Variants in ARHGAP6 observed in about 807,000 individuals in gnomAD.
The protein encoded by ARHGAP6 is Rho GTPase activating protein 6.
A neutral mutation model predicts 55.7 loss-of-function variants in ARHGAP6; 16 were observed. That is an observed-to-expected ratio of 0.29 (90% CI 0.19 to 0.44). The LOEUF (loss-of-function observed/expected upper bound fraction) is 0.44, where lower values mean the gene tolerates loss of function less well. ARHGAP6 is among the 20% of genes least tolerant of loss of function. ARHGAP6 has a pLI of 1.00. For synonymous variants in ARHGAP6, 382 were observed against 360.9 expected (o/e 1.06, Z -0.66); for missense variants, 698 against 808.9 (o/e 0.86, Z 1.66).
At chrX:11,427,484 C>A in intron 1 of ARHGAP6, 1 of 926,814 alleles carries the variant, frequency 1.1e-6, no homozygotes, top group East Asian at 1.0e-4. Flanking sequence ...TCGCCCCTCG[C>A]AGTCCCCACC....
At chrX:11,467,822 A>ATT (rs1363211105) in intron 1 of ARHGAP6, among the ~76,000 whole-genome samples, 99 of 110,156 alleles carry the variant, frequency 9.0e-4, no homozygotes, top group Middle Eastern at 4.6e-3. Context: ...TCTACTAAAA[A>ATT]TACAAAAATT....
intron 1 of ARHGAP6, among the ~76,000 whole-genome samples, chrX:11,397,634 T>G (rs1200279871): frequency 8.9e-6 from 1 of 112,015 alleles, no homozygotes; most frequent in Non-Finnish European, 1.9e-5. Flanking sequence ...TTCCTAGAAC[T>G]TTGGGAGGCC....
chrX:11,317,627 A>G (rs1162542502), intron 1 of ARHGAP6, among the ~76,000 whole-genome samples: 1 of 111,914 alleles, frequency 8.9e-6, no homozygotes, highest in African/African-American at 3.2e-5. Flanking sequence ...TTATAAGCCA[A>G]GGGCATCAAA....
chrX:11,531,807 G>A (rs183412303), intron 1 of ARHGAP6, among the ~76,000 whole-genome samples: 5 of 112,014 alleles, frequency 4.5e-5, no homozygotes, highest in Non-Finnish European at 9.4e-5. Flanking sequence ...CAAAACTATC[G>A]GTGATTACAG....
chrX:11,152,342 A>T (rs926205614), intron 10 of ARHGAP6, among the ~76,000 whole-genome samples: 1 of 112,147 alleles, frequency 8.9e-6, no homozygotes, highest in African/African-American at 3.2e-5. Flanking sequence ...TGGATAATTG[A>T]CTTGCCAATG....
intron 1 of ARHGAP6, among the ~76,000 whole-genome samples, chrX:11,504,003 A>G (rs1015628451): frequency 9.0e-6 from 1 of 111,599 alleles, no homozygotes; most frequent in East Asian, 2.8e-4. Context: ...TTTAAAATCA[A>G]TGGCAGGAAA....
At chrX:11,289,035 T>C (rs1167344427) in intron 1 of ARHGAP6, among the ~76,000 whole-genome samples, 1 of 112,430 alleles carries the variant, frequency 8.9e-6, no homozygotes, top group Non-Finnish European at 1.9e-5. Flanking sequence ...CAGTTAATTA[T>C]AATCCAAACA....
chrX:11,226,666 A>T (rs1288190213), intron 2 of ARHGAP6, among the ~76,000 whole-genome samples: 2 of 112,122 alleles, frequency 1.8e-5, no homozygotes, highest in Non-Finnish European at 1.9e-5. Context: ...ACAGATCTTT[A>T]GTGGAATGCA....
chrX:11,467,988 GAATGAATAAATA>G (rs1399464080), intron 1 of ARHGAP6, among the ~76,000 whole-genome samples: 1,509 of 82,732 alleles, frequency 0.018, 19 homozygotes, highest in Middle Eastern at 0.034. Context: ...TTAAATGAAT[GAATGAATAAATA>G]AATAAATAAA....
chrX:11,401,156 G>T (rs1259944332), intron 1 of ARHGAP6, among the ~76,000 whole-genome samples: 1 of 111,532 alleles, frequency 9.0e-6, no homozygotes, highest in African/African-American at 3.3e-5. Flanking sequence ...GACAAAAGAG[G>T]AAAAGCACGG....
chrX:11,393,360 G>A (rs2049434475), intron 1 of ARHGAP6, among the ~76,000 whole-genome samples: 1 of 111,067 alleles, frequency 9.0e-6, no homozygotes, highest in African/African-American at 3.3e-5. Flanking sequence ...AAGTAATAAT[G>A]ATAATAATAA....
At chrX:11,446,895 G>A (rs2050097972) in intron 1 of ARHGAP6, among the ~76,000 whole-genome samples, 1 of 110,689 alleles carries the variant, frequency 9.0e-6, no homozygotes, top group African/African-American at 3.3e-5. Flanking sequence ...ATTTTTTTTG[G>A]CCAGGCCATA....
At chrX:11,354,981 A>G (rs1265827330) in intron 1 of ARHGAP6, among the ~76,000 whole-genome samples, 2 of 112,137 alleles carry the variant, frequency 1.8e-5, no homozygotes, top group East Asian at 5.5e-4. Flanking sequence ...TTAAAAGGTT[A>G]GGATGATACT....
Position 11,664,568 on chromosome X carries a change from G to A in ARHGAP6, c.261C>T (p.Pro87=). Residue 87 remains proline, a synonymous_variant, in exon 1 of 13, where the codon CCC becomes CCT. Transcript: ENST00000337414. ...GAGGCGGTAGCCTGGTGGCCCTGGG[G>A]GGCGGACCCCGGGAAGAGGACGCCA... The part of the protein sequence containing the change: ...PRLASSSRGP[P]PRATRLPPPG... 1 of 1,188,795 alleles carries A rather than the reference G, an allele frequency of 8.4e-7. No individual in the cohort carries two copies. The highest frequency in any genetic ancestry group is 3.1e-5 in the East Asian group (1 of 32,622).
chrX:11,584,052 A>G (rs141677897), intron 1 of ARHGAP6, among the ~76,000 whole-genome samples: 1,500 of 112,155 alleles, frequency 0.013, 24 homozygotes, highest in African/African-American at 0.045. Flanking sequence ...ATAAACAAAT[A>G]AATGACTTTC....
chrX:11,214,746 C>T (rs2046854462), intron 2 of ARHGAP6, among the ~76,000 whole-genome samples: 2 of 113,282 alleles, frequency 1.8e-5, no homozygotes, highest in Non-Finnish European at 3.8e-5. Flanking sequence ...GACCAATCAG[C>T]GAGGAGTGCG....
At chrX:11,199,339 G>A (rs1028264003) in intron 2 of ARHGAP6, among the ~76,000 whole-genome samples, 4 of 112,019 alleles carry the variant, frequency 3.6e-5, no homozygotes, top group South Asian at 7.5e-4. Flanking sequence ...AGCAGCATCA[G>A]TATCGCCTGG....
At chrX:11,190,815 A>G (rs1281424398) in intron 3 of ARHGAP6, among the ~76,000 whole-genome samples, 1 of 111,692 alleles carries the variant, frequency 9.0e-6, no homozygotes, top group African/African-American at 3.3e-5. Flanking sequence ...GAGACTTCTT[A>G]TACCTCTGGG....
chrX:11,528,709 C>A (rs1168828308), intron 1 of ARHGAP6, among the ~76,000 whole-genome samples: 1 of 111,702 alleles, frequency 9.0e-6, no homozygotes, highest in Admixed American at 9.6e-5. Flanking sequence ...GATCTTTATG[C>A]AACAGGGCCC....
Sources: allele counts gnomAD v4.1 joint callset (sites outside exome capture counted in the v4.1 genomes callset), GRCh38; gene constraint gnomAD v4.1.1; transcripts MANE v1.5; gene names NCBI Gene and HGNC (gene_info 2026-07-23, HGNC 2026-07-21).